The following CSMD3 variants were observed in gnomAD, a reference collection of about 807,000 sequenced individuals.
CSMD3 encodes the protein CUB and sushi domain-containing protein 3.
CSMD3 carries 177 observed loss-of-function variants against 435.2 expected under a neutral mutation model. The ratio of observed to expected loss-of-function variants is 0.41; its 90% CI spans 0.36 to 0.46. The LOEUF is 0.46. CSMD3 is among the 20% of genes least tolerant of loss of function. The probability of loss-of-function intolerance (pLI) is 0.34; values close to 1 mark genes in which losing one functional copy is unlikely to be tolerated. For missense variants in CSMD3, 4,265 were observed against 4,504.6 expected (o/e 0.95, Z 1.52); for synonymous variants, 1,656 against 1,520.5 (o/e 1.09, Z -2.07).
At chr8:112,289,972 T>C (rs935517935) in intron 56 of CSMD3, among the ~76,000 whole-genome samples, 8 of 152,016 alleles carry the variant, frequency 5.3e-5, no homozygotes, top group African/African-American at 1.9e-4. Flanking sequence ...AGTGAAGCAA[T>C]ACAGAAATTA....
intron 13 of CSMD3, among the ~76,000 whole-genome samples, chr8:112,797,393 T>A (rs757955765): frequency 2.0e-5 from 3 of 151,862 alleles, no homozygotes; most frequent in Non-Finnish European, 4.4e-5. Flanking sequence ...AAATTATATT[T>A]CCTTTAAAAT....
chr8:113,289,577 AG>A lies in CSMD3; in HGVS notation c.402-10874del, dbSNP rs575267177. 3.5e-3 allele frequency among the ~76,000 whole-genome samples: 533 copies of A among 151,438 alleles called. 2 individuals carry two copies. Among genetic ancestry groups the A allele is most frequent in the African/African-American group, 0.012 (497 of 41,404 alleles). ...GACAGAGAGAGAGAGAGAGAGAGAG[AG>A]AGAGAGAGAGAAATACATCTGTGTC... is the stretch of plus-strand genomic sequence containing the variant. On this transcript the variant is annotated intron_variant, in intron 2 of 70. Transcript: ENST00000297405.
intron 24 of CSMD3, among the ~76,000 whole-genome samples, chr8:112,569,969 T>C (rs1041512139): frequency 4.6e-5 from 7 of 152,144 alleles, no homozygotes; most frequent in African/African-American, 1.7e-4. Context: ...TGACCTCCTC[T>C]GCAATACCTA....
At chr8:112,925,885 T>A (rs966041253) in intron 9 of CSMD3, among the ~76,000 whole-genome samples, 7 of 152,334 alleles carry the variant, frequency 4.6e-5, no homozygotes, top group Non-Finnish European at 1.0e-4. Context: ...AATGGGATAT[T>A]TTAAAATGCA....
chr8:112,352,337 G>A (rs994074952), intron 39 of CSMD3, 79 bp downstream of exon 39: 50 of 1,598,978 alleles, frequency 3.1e-5, no homozygotes, highest in Middle Eastern at 3.4e-4. Flanking sequence ...TGTAAAACCC[G>A]TGGCTTATCA....
intron 1 of CSMD3, among the ~76,000 whole-genome samples, chr8:113,322,895 G>A (rs971544934): frequency 1.8e-4 from 27 of 152,022 alleles, no homozygotes; most frequent in East Asian, 3.9e-4. Flanking sequence ...ACAGGTGCCC[G>A]CCACCATGCC....
At chr8:112,583,190 T>G (rs145557157) in intron 23 of CSMD3, among the ~76,000 whole-genome samples, 130 of 152,128 alleles carry the variant, frequency 8.5e-4, no homozygotes, top group African/African-American at 3.0e-3. Flanking sequence ...ATATACAAAG[T>G]GTGAAAGAAA....
At chr8:112,319,045 G>A in intron 46 of CSMD3, 95 bp from the exon 47 acceptor site, 1 of 777,006 alleles carries the variant, frequency 1.3e-6, no homozygotes, top group Non-Finnish European at 2.2e-6. Flanking sequence ...TTCTCCTTTA[G>A]TTATTTTCAA....
intron 6 of CSMD3, among the ~76,000 whole-genome samples, chr8:112,986,987 T>A (rs932058130): frequency 2.0e-5 from 3 of 152,108 alleles, no homozygotes; most frequent in African/African-American, 7.2e-5. Context: ...TGAGACTATA[T>A]ATCTGTGTGT....
intron 35 of CSMD3, among the ~76,000 whole-genome samples, chr8:112,398,063 G>A (rs556143158): frequency 6.6e-6 from 1 of 152,158 alleles, no homozygotes; most frequent in African/African-American, 2.4e-5. Context: ...GATGAGACAG[G>A]CACGGGACAG....
chr8:113,435,183 G>C (rs2094698080), intron 1 of CSMD3, among the ~76,000 whole-genome samples: 1 of 152,158 alleles, frequency 6.6e-6, no homozygotes, highest in Admixed American at 6.5e-5. Flanking sequence ...CAGTGTAGTT[G>C]TGCCACTTAG....
intron 1 of CSMD3, chr8:113,377,054 C>T (rs1022381762): frequency 7.9e-7 from 1 of 1,261,262 alleles, no homozygotes; most frequent in Non-Finnish European, 1.0e-6. Context: ...CGGAGCGGGG[C>T]GCGGGGCAAG....
chr8:112,937,594 G>A (rs771607211), intron 9 of CSMD3, among the ~76,000 whole-genome samples: 9 of 151,970 alleles, frequency 5.9e-5, no homozygotes, highest in African/African-American at 2.2e-4. Context: ...CAGGTGATCC[G>A]CCAGCCTCAG....
chr8:112,484,594 G>T (rs1819938968), intron 31 of CSMD3, among the ~76,000 whole-genome samples: 1 of 151,778 alleles, frequency 6.6e-6, no homozygotes, highest in Admixed American at 6.6e-5. Flanking sequence ...AGACTACATG[G>T]TAGTTGAGAA....
At chr8:112,344,087 T>C (rs1430666719) in intron 41 of CSMD3, among the ~76,000 whole-genome samples, 1 of 152,042 alleles carries the variant, frequency 6.6e-6, no homozygotes, top group Admixed American at 6.6e-5. Flanking sequence ...TTTCACCATG[T>C]TAGCCAGGAT....
chr8:112,578,328 G>A (rs939530601), intron 23 of CSMD3, among the ~76,000 whole-genome samples: 3 of 151,744 alleles, frequency 2.0e-5, no homozygotes, highest in Admixed American at 6.6e-5. Context: ...AGGGGCATTC[G>A]GTTTTTTGTT....
intron 32 of CSMD3, among the ~76,000 whole-genome samples, chr8:112,426,091 T>C (rs1213811125): frequency 1.3e-5 from 2 of 152,074 alleles, no homozygotes; most frequent in Non-Finnish European, 2.9e-5. Context: ...CATAGTAAAA[T>C]GGAGCTGGAG....
chr8:112,541,073 T>C (rs887968380), intron 27 of CSMD3, among the ~76,000 whole-genome samples: 2 of 151,408 alleles, frequency 1.3e-5, no homozygotes, highest in African/African-American at 2.4e-5. Flanking sequence ...AAAAGAGAAA[T>C]AGAAAACACC....
In CSMD3 at chr8:113,426,901, G is replaced by C. The variant is rs148603590; in HGVS notation, c.178+9776C>G. On this transcript the variant is annotated intron_variant, in intron 1 of 70. Coordinates refer to ENST00000297405, the MANE Select transcript of CSMD3 (RefSeq NM_198123.2). ...CTTTATCTGGGACTTGACCAACCTT[G>C]GAGAAATCTACATCTACCTGTTGTA... Among the ~76,000 whole-genome samples, 1,020 of 151,372 alleles carry C rather than the reference G, an allele frequency of 6.7e-3. 4 individuals carry two copies. Among genetic ancestry groups the C allele is most frequent in the Non-Finnish European group, 7.3e-3 (492 of 67,420 alleles).
Sources: gnomAD v4.1 joint callset for allele counts (sites outside exome capture counted in the v4.1 genomes callset) on GRCh38, gnomAD v4.1.1 for gene constraint, MANE v1.5 for transcripts, NCBI Gene and HGNC (gene_info 2026-07-23, HGNC 2026-07-21) for gene names.